Variants in ROR1 observed in about 807,000 individuals in gnomAD.
ROR1 encodes inactive tyrosine-protein kinase transmembrane receptor ROR1.
Under a neutral mutation model 78.8 loss-of-function variants are expected in ROR1, and 19 were observed. The ratio of observed to expected loss-of-function variants is 0.24; its 90% CI spans 0.17 to 0.35. The LOEUF is 0.35. ROR1 is among the 10% of genes least tolerant of loss of function. ROR1 has a pLI of 1.00. For synonymous variants in ROR1, 386 were observed against 433.6 expected (o/e 0.89, Z 1.36); for missense variants, 917 against 1,177.8 (o/e 0.78, Z 3.24).
chr1:64,012,177 G>A (rs1646481279), intron 2 of ROR1, among the ~76,000 whole-genome samples: 1 of 152,158 alleles, frequency 6.6e-6, no homozygotes. Context: ...TACTCTCTAA[G>A]GCCTAGAGTT....
Position 64,140,246 on chromosome 1 carries a change from G to T in ROR1, c.748G>T (p.Asp250Tyr), listed in dbSNP as rs761232470. ...SVPKPRDLCR[D>Y]ECEILENVLC... ...CCCAAAGCCCCGTGACTTGTGTCGC[G>T]ATGAATGTGAAATCCTGGAGAATGT... The change falls in exon 6 of 9, where the codon GAT (aspartate) becomes TAT (tyrosine). Residue 250 changes from aspartate (D) to tyrosine (Y), a missense_variant. Asp to Tyr is a radical substitution (Grantham distance 160). Around this residue, in one of 3 missense-constraint regions of ROR1, gnomAD observed 835 missense variants for 1,069.8 expected, o/e 0.78. Transcript: ENST00000371079. The T allele has an allele frequency of 1.2e-6, 2 of 1,614,102 alleles. No homozygotes were observed. Among genetic ancestry groups the T allele is most frequent in the South Asian group, 2.2e-5 (2 of 91,074 alleles).
intron 1 of ROR1, among the ~76,000 whole-genome samples, chr1:63,852,330 C>A (rs1645119091): frequency 6.6e-6 from 1 of 152,212 alleles, no homozygotes. Context: ...GAGCTGAAAG[C>A]AGCCCCCTGC....
chr1:63,912,817 G>A (rs1329299822), intron 1 of ROR1, among the ~76,000 whole-genome samples: 4 of 152,146 alleles, frequency 2.6e-5, no homozygotes, highest in African/African-American at 9.7e-5. Context: ...GGCCACGGAA[G>A]GGCAGAGGAG....
At chr1:64,099,851 C>T (rs1276156693) in intron 4 of ROR1, among the ~76,000 whole-genome samples, 1 of 151,278 alleles carries the variant, frequency 6.6e-6, no homozygotes, top group Non-Finnish European at 1.5e-5. Flanking sequence ...GGTCAAGAGT[C>T]CAAGACCAGC....
chr1:64,143,135 A>T, intron 7 of ROR1: 1 of 1,002,256 alleles, frequency 1.0e-6, no homozygotes, highest in Non-Finnish European at 1.2e-6. Context: ...ATGTCTGTTA[A>T]TACTGCAGAA....
intron 1 of ROR1, chr1:63,788,850 C>T: frequency 4.1e-6 from 3 of 728,122 alleles, no homozygotes; most frequent in Non-Finnish European, 7.4e-6. Context: ...CCAGGAGCTT[C>T]ATGCGAGCCT....
rs1650473491 is a variant in ROR1, at chr1:64,178,917, T to C, written c.*62T>C. The C allele has an allele frequency of 7.9e-7, 1 of 1,259,376 alleles. No homozygotes were observed. The highest frequency in any genetic ancestry group is 1.5e-5 in the African/African-American group (1 of 65,250). The allele number at this position is 1,259,376 out of a possible 1,614,324, so 78.0% of individuals were successfully genotyped here. A position where few individuals can be genotyped will look rare whatever the true frequency, so the allele number is the denominator to read the frequency against. ...ACTAGACGGCCGTAGAAAAGATTTA[T>C]ATTCAAATGTTTTTATTAAAGTAAG... On this transcript the variant is annotated 3_prime_UTR_variant, in exon 9 of 9. Coordinates refer to ENST00000371079, the MANE Select transcript of ROR1 (RefSeq NM_005012.4). The surrounding 1 kb of genome is among the most constrained non-coding windows in gnomAD (Gnocchi z 4.3).
chr1:63,893,777 C>T (rs1645418556), intron 1 of ROR1, among the ~76,000 whole-genome samples: 1 of 152,124 alleles, frequency 6.6e-6, no homozygotes, highest in Admixed American at 6.5e-5. Context: ...CCCCCCTTAT[C>T]TGTGTCCTGG....
In ROR1 at chr1:64,139,203, G is replaced by A. The variant is rs564340128; in HGVS notation, c.611-906G>A. 1.6e-3 allele frequency among the ~76,000 whole-genome samples: 219 copies of A among 140,704 alleles called. 3 individuals are homozygous for A. Among genetic ancestry groups the A allele is most frequent in the Admixed American group, 6.0e-3 (85 of 14,110 alleles). 92.3% of individuals were successfully genotyped at this position (140,704 alleles called of 152,430 possible). ...AAAAAAAAAAAAAAGTGGAAGTTTTGATGTAAATAATTGGTAACCTATTTA... is the reference window on the plus strand; with the variant it reads ...AAAAAAAAAAAAAAGTGGAAGTTTTAATGTAAATAATTGGTAACCTATTTA... On this transcript the variant is annotated intron_variant, in intron 5 of 8. Transcript: ENST00000371079.
chr1:64,044,354 G>A (rs1279182697), intron 2 of ROR1, among the ~76,000 whole-genome samples: 5 of 152,030 alleles, frequency 3.3e-5, no homozygotes, highest in African/African-American at 7.2e-5. Context: ...TCTGAACTGC[G>A]GTTTACCCAT....
At chr1:64,142,970 T>C in intron 7 of ROR1, 1 of 1,138,164 alleles carries the variant, frequency 8.8e-7, no homozygotes, top group Non-Finnish European at 1.1e-6. Flanking sequence ...CCCAGAATGG[T>C]CTGCGTCCAA....
chr1:64,061,087 T>A (rs1474521735), intron 4 of ROR1, among the ~76,000 whole-genome samples: 3 of 152,220 alleles, frequency 2.0e-5, no homozygotes, highest in African/African-American at 7.2e-5. Context: ...CTCAGTCTGT[T>A]AGTAATGAAT....
At chr1:64,086,699 C>T (rs1647158043) in intron 4 of ROR1, among the ~76,000 whole-genome samples, 1 of 152,188 alleles carries the variant, frequency 6.6e-6, no homozygotes, top group Non-Finnish European at 1.5e-5. Context: ...TTTTCACAGT[C>T]TACCCAGCAC....
At chr1:64,139,675 G>T (rs560328359) in intron 5 of ROR1, among the ~76,000 whole-genome samples, 1 of 152,284 alleles carries the variant, frequency 6.6e-6, no homozygotes, top group Admixed American at 6.5e-5. Flanking sequence ...AACTCTTGCC[G>T]TCCAGCAAGA....
chr1:64,142,917 T>C, intron 7 of ROR1: 1 of 1,287,328 alleles, frequency 7.8e-7, no homozygotes, highest in African/African-American at 1.5e-5. Context: ...AGAGGCACAG[T>C]TGAGACAGTT....
intron 1 of ROR1, among the ~76,000 whole-genome samples, chr1:63,883,725 T>G (rs1222416136): frequency 6.6e-6 from 1 of 152,118 alleles, no homozygotes; most frequent in Non-Finnish European, 1.5e-5. Context: ...CCATCAGATG[T>G]TTTGCCAGCT....
At chr1:64,128,313 A>G (rs35919043) in intron 4 of ROR1, among the ~76,000 whole-genome samples, 2 of 126,816 alleles carry the variant, frequency 1.6e-5, no homozygotes, top group African/African-American at 2.8e-5. Flanking sequence ...AAAAAAAAGT[A>G]AAAAAACTAG....
chr1:64,127,506 G>GTCTC (rs1177650740), intron 4 of ROR1, among the ~76,000 whole-genome samples: 1 of 145,874 alleles, frequency 6.9e-6, no homozygotes, highest in Non-Finnish European at 1.5e-5. Context: ...CTCTCTCTCT[G>GTCTC]TCTCTCTCTC....
At chr1:63,964,852 G>A (rs998688768) in intron 1 of ROR1, among the ~76,000 whole-genome samples, 7 of 152,176 alleles carry the variant, frequency 4.6e-5, no homozygotes, top group African/African-American at 1.7e-4. Flanking sequence ...TGGGCCAGAG[G>A]CATGACCTGA....
Sources: gnomAD v4.1 joint callset for allele counts (sites outside exome capture counted in the v4.1 genomes callset) on GRCh38, gnomAD v4.1.1 for gene constraint, gnomAD v4.1.1 regional missense constraint, Gnocchi (gnomAD v3.1) non-coding constraint, MANE v1.5 for transcripts, NCBI Gene and HGNC (gene_info 2026-07-23, HGNC 2026-07-21) for gene names.